NT5DC4: variants seen among roughly 807,000 people sequenced by gnomAD.
The protein encoded by NT5DC4 is 5'-nucleotidase domain containing 4.
In NT5DC4, 44 loss-of-function variants were observed where a neutral mutation model predicts 26.6. The ratio of observed to expected loss-of-function variants is 1.65; its 90% confidence interval spans 1.30 to 2.13. The LOEUF is 2.13. Ranked by LOEUF, NT5DC4 falls within the 30% of genes most tolerant of loss-of-function variation. NT5DC4 has a pLI of 0.00. For synonymous variants in NT5DC4, 157 were observed against 86.7 expected (o/e 1.81, Z -4.51); for missense variants, 399 against 228.1 (o/e 1.75, Z -4.83).
At chr2:112,735,038 ATTTT>A (rs70965024) in intron 16 of NT5DC4, among the ~76,000 whole-genome samples, 3,365 of 94,442 alleles carry the variant, frequency 0.036, 130 homozygotes, top group African/African-American at 0.13. Context: ...AGGCAAGAAC[ATTTT>A]TTTTTTTTTT....
rs1189561736 is a variant in NT5DC4, at chr2:112,725,188, C to T, written c.930C>T (p.Leu310=). Reference sequence around the variant, plus strand: ...TGCCCCTCCAGGACTCAGGAAAGCTCCACGTGGGCACCTACACAGGGCCCC... The same window carrying T: ...TGCCCCTCCAGGACTCAGGAAAGCTTCACGTGGGCACCTACACAGGGCCCC... ...VMAGAEDSGK[L]HVGTYTGPHQ... The change falls in exon 12 of 17, where the codon CTC becomes CTT. Residue 310 remains leucine, a synonymous_variant. Transcript: ENST00000688554. The T allele has an allele frequency of 8.4e-6, 6 of 716,212 alleles. No individual in the cohort carries two copies. The highest frequency in any genetic ancestry group is 1.6e-5 in the Non-Finnish European group (6 of 384,190). 44.4% of individuals were successfully genotyped at this position (716,212 alleles called of 1,614,324 possible).
downstream of NT5DC4, chr2:112,740,960 C>T (rs557259876): frequency 6.2e-7 from 1 of 1,613,826 alleles, no homozygotes; most frequent in Admixed American, 1.7e-5. Flanking sequence ...GCCAGCTCTT[C>T]CACTGATGTT....
intron 15 of NT5DC4, among the ~76,000 whole-genome samples, chr2:112,728,633 C>A (rs562029593): frequency 1.1e-4 from 16 of 152,340 alleles, no homozygotes; most frequent in African/African-American, 3.8e-4. Context: ...CCTTGGCTGC[C>A]TTCCAGACGT....
downstream of NT5DC4, among the ~76,000 whole-genome samples, chr2:112,741,363 A>C (rs146893012): frequency 2.9e-3 from 443 of 152,256 alleles, 3 homozygotes; most frequent in African/African-American, 0.01. Context: ...ACCTTGGATC[A>C]ATTTTCTTGA....
chr2:112,724,268 A>G, intron 10 of NT5DC4, 142 bp downstream of exon 10: 1 of 675,534 alleles, frequency 1.5e-6, no homozygotes, highest in Non-Finnish European at 2.7e-6. Flanking sequence ...GTCATTTCTC[A>G]TGAGTGGAAG....
intron 16 of NT5DC4, chr2:112,738,673 T>C (rs954953020): frequency 4.0e-5 from 25 of 618,800 alleles, no homozygotes; most frequent in Non-Finnish European, 5.1e-5. Context: ...GGAGAGAAAA[T>C]TTGAGAGTAA....
At chr2:112,727,584 G>A (rs115915252) in intron 15 of NT5DC4, among the ~76,000 whole-genome samples, 2,516 of 152,258 alleles carry the variant, frequency 0.017, 73 homozygotes, top group African/African-American at 0.057. Flanking sequence ...AAGCTGCAGC[G>A]GGGCCTGTGG....
downstream of NT5DC4, chr2:112,739,173 T>A (rs1384785154): frequency 2.4e-5 from 18 of 739,202 alleles, no homozygotes; most frequent in Non-Finnish European, 3.9e-5. Flanking sequence ...ACAAGAGATA[T>A]GTCTAGAGCA....
In NT5DC4 at chr2:112,726,676, A is replaced by G; in HGVS notation, c.1206-2A>G. ...TGGGTCACCTAGCTATTTTTGTACC[A>G]GGCACATGGATGGGAGCAGTTGTGA... On this transcript the variant is annotated splice_acceptor_variant, in intron 14 of 16. Transcript: ENST00000688554. LOFTEE classifies it high-confidence loss of function. The G allele has an allele frequency of 1.4e-6, 1 of 717,494 alleles. No homozygotes were observed. Among genetic ancestry groups the G allele is most frequent in the South Asian group, 1.5e-5 (1 of 67,606 alleles). 44.4% of individuals were successfully genotyped at this position (717,494 alleles called of 1,614,324 possible). A position where few individuals can be genotyped will look rare whatever the true frequency, so the allele number is the denominator to read the frequency against.
At chr2:112,723,210 C>T (rs914232621) in intron 7 of NT5DC4, 36 bp downstream of exon 7, 9 of 717,140 alleles carry the variant, frequency 1.3e-5, no homozygotes, top group Non-Finnish European at 2.3e-5. Flanking sequence ...GACCCCTGAC[C>T]TGTCTGCTCT....
chr2:112,734,195 G>GTGTGTGTGTT (rs1553437320), intron 16 of NT5DC4, among the ~76,000 whole-genome samples: 98 of 151,508 alleles, frequency 6.5e-4, no homozygotes, highest in African/African-American at 2.4e-3. Context: ...GTGTGTGTGT[G>GTGTGTGTGTT]TGTGTGTACA....
chr2:112,721,746 C>T lies in NT5DC4; in HGVS notation c.75-72C>T. 4 of 716,756 alleles carry T rather than the reference C, an allele frequency of 5.6e-6. No individual in the cohort carries two copies. In the South Asian group the frequency reaches 5.9e-5, roughly 11 times the overall value. The allele number at this position is 716,756 out of a possible 1,614,324, so 44.4% of individuals were successfully genotyped here. A position where few individuals can be genotyped will look rare whatever the true frequency, so the allele number is the denominator to read the frequency against. On this transcript the variant is annotated intron_variant, in intron 1 of 16. Transcript: ENST00000688554. ...CTGCCCTCCTCTGCGGGGTTTCCAC[C>T]CCCTCTGTCCTTGGGCCTTGGATTC... is the stretch of plus-strand genomic sequence containing the variant.
chr2:112,742,208 A>G (rs551267051), downstream of NT5DC4, among the ~76,000 whole-genome samples: 1 of 152,306 alleles, frequency 6.6e-6, no homozygotes, highest in African/African-American at 2.4e-5. Flanking sequence ...ATCGTAAGCA[A>G]TTATAATGTC....
At chr2:112,720,509 G>A (rs1359430566), upstream of NT5DC4, among the ~76,000 whole-genome samples, 1 of 152,154 alleles carries the variant, frequency 6.6e-6, no homozygotes, top group East Asian at 1.9e-4. Context: ...TACACTAAAT[G>A]GCCCCAGTGG....
Position 112,722,163 on chromosome 2 carries a change from C to T in NT5DC4, c.267-20C>T. ...CCTTGGTACCCCCACCCACAGTGCC[C>T]CCCGACCCCCCGTCTGCAGGCGGCT... is the stretch of plus-strand genomic sequence containing the variant. On this transcript the variant is annotated intron_variant, in intron 3 of 16. Coordinates refer to ENST00000688554, the MANE Select transcript of NT5DC4 (RefSeq NM_001393655.1). The T allele has an allele frequency of 1.7e-6, 1 of 581,726 alleles. No individual in the cohort carries two copies. Among genetic ancestry groups the T allele is most frequent in the Non-Finnish European group, 3.1e-6 (1 of 317,940 alleles). The allele number at this position is 581,726 out of a possible 1,614,324, so 36.0% of individuals were successfully genotyped here.
At chr2:112,729,555 C>T in intron 15 of NT5DC4, 72 bp from the exon 16 acceptor site, 1 of 714,508 alleles carries the variant, frequency 1.4e-6, no homozygotes, top group South Asian at 1.5e-5. Flanking sequence ...GGAGCCTGTG[C>T]ATAGCTGAGG....
At chr2:112,742,245 C>T (rs1287519501), downstream of NT5DC4, among the ~76,000 whole-genome samples, 1 of 152,202 alleles carries the variant, frequency 6.6e-6, no homozygotes. Context: ...ATATATGTCT[C>T]ATAGAAGAGT....
intron 7 of NT5DC4, 41 bp from the exon 8 acceptor site, chr2:112,723,361 GCACACACACACACACA>G (rs36112869): frequency 4.7e-6 from 3 of 638,268 alleles, no homozygotes; most frequent in Non-Finnish European, 8.5e-6. Flanking sequence ...GGGTACACAT[GCACACACACACACACA>G]CACACACACA....
chr2:112,735,177 G>C lies in NT5DC4; in HGVS notation c.1345-3736G>C, dbSNP rs577388243. ...TCCTGCCTCAGCCTCCTGAGTAGCT[G>C]GGATTACAGGTGCGTACCCCCACGC... is the stretch of plus-strand genomic sequence containing the variant. On this transcript the variant is annotated intron_variant, in intron 16 of 16. Coordinates refer to ENST00000688554, the MANE Select transcript of NT5DC4 (RefSeq NM_001393655.1). Among the ~76,000 whole-genome samples, 6 of 151,084 alleles carry C rather than the reference G, an allele frequency of 4.0e-5. No individual in the cohort carries two copies. The South Asian group carries it at 1.2e-3, about 31-fold the overall frequency.
Sources: allele counts gnomAD v4.1 joint callset (sites outside exome capture counted in the v4.1 genomes callset), GRCh38; gene constraint gnomAD v4.1.1; transcripts MANE v1.5; gene names NCBI Gene and HGNC (gene_info 2026-07-23, HGNC 2026-07-21).